The following SLC4A8 variants were observed in gnomAD, a reference collection of about 807,000 sequenced individuals.
SLC4A8 encodes solute carrier family 4 member 8.
In SLC4A8, 40 loss-of-function variants were observed where a neutral mutation model predicts 125.0. The observed-to-expected ratio is 0.32, with a 90% CI of 0.25 to 0.42. The LOEUF (loss-of-function observed/expected upper bound fraction) is 0.42. Among genes scored for constraint, SLC4A8 ranks in the 10% least tolerant of loss-of-function variants. SLC4A8 has a pLI of 1.00. For synonymous variants in SLC4A8, 456 were observed against 476.0 expected, an observed-to-expected ratio of 0.96 and a Z score of 0.55; for missense variants, 863 against 1,355.1, an observed-to-expected ratio of 0.64 and a Z score of 5.70.
At chr12:51,474,538 A>C (rs1433246744) in intron 15 of SLC4A8, 91 bp downstream of exon 15, 1 of 1,507,682 alleles carries the variant, frequency 6.6e-7, no homozygotes, top group Non-Finnish European at 9.0e-7. Flanking sequence ...CCTTTGGCCA[A>C]ACTCTGGCAT....
At chr12:51,442,460 C>T (rs1246820769) in intron 2 of SLC4A8, among the ~76,000 whole-genome samples, 3 of 152,168 alleles carry the variant, frequency 2.0e-5, no homozygotes, top group Non-Finnish European at 2.9e-5. Flanking sequence ...CCTGAGCAAG[C>T]TCTCTTGAAT....
upstream of SLC4A8, among the ~76,000 whole-genome samples, chr12:51,424,178 C>T (rs1304945609): frequency 6.6e-6 from 1 of 151,186 alleles, no homozygotes; most frequent in African/African-American, 2.4e-5. Flanking sequence ...AAATTTAATG[C>T]ATTATTCATG....
chr12:51,418,212 T>A (rs1486288131), intron 1 of SLC4A8, among the ~76,000 whole-genome samples: 18 of 152,098 alleles, frequency 1.2e-4, no homozygotes. Context: ...AGGAGGCAAA[T>A]TGAACCTGGA....
chr12:51,477,582 TC>T (rs1414343379), intron 16 of SLC4A8, among the ~76,000 whole-genome samples: 1 of 152,188 alleles, frequency 6.6e-6, no homozygotes, highest in Non-Finnish European at 1.5e-5. Context: ...AGCAGTCGTT[TC>T]CCCAAAAAGT....
intron 1 of SLC4A8, among the ~76,000 whole-genome samples, chr12:51,408,211 C>T (rs1306150031): frequency 6.6e-6 from 1 of 152,062 alleles, no homozygotes; most frequent in Non-Finnish European, 1.5e-5. Flanking sequence ...CTGGGGGACA[C>T]AATTCAATCT....
chr12:51,435,001 T>TACTGGTCTTATATTGATGAATATAAGACC (rs1949354238), intron 1 of SLC4A8, among the ~76,000 whole-genome samples: 1 of 152,238 alleles, frequency 6.6e-6, no homozygotes, highest in East Asian at 1.9e-4. Flanking sequence ...CCAGTACCTA[T>TACTGGTCTTATATTGATGAATATAAGACC]CCTCCTAGAA....
intron 2 of SLC4A8, among the ~76,000 whole-genome samples, chr12:51,447,719 T>G (rs1393525800): frequency 6.7e-6 from 1 of 148,904 alleles, no homozygotes; most frequent in Non-Finnish European, 1.5e-5. Flanking sequence ...TTCCACTTTT[T>G]TTTTTTTTTT....
At position 51,410,871 on chromosome 12, in the gene SLC4A8, CT is replaced by C. The variant is rs1334247089; in HGVS notation, c.-112+19387del. On this transcript the variant is annotated intron_variant, in intron 1 of 24. Coordinates refer to the SLC4A8 transcript ENST00000358657. ...AACAATCTTTCTTTTCTTTTCTTTTCTTTTCTTTTTTTTTTTTTTTTGAGAC... is the reference window on the plus strand; with the variant it reads ...AACAATCTTTCTTTTCTTTTCTTTTCTTTCTTTTTTTTTTTTTTTTGAGAC... 3.0e-5 allele frequency among the ~76,000 whole-genome samples: 4 copies of C among 131,422 alleles called. No individual in the cohort carries two copies. The East Asian group carries it at 1.0e-3, about 33-fold the overall frequency. 86.2% of individuals were successfully genotyped at this position (131,422 alleles called of 152,430 possible). A position where few individuals can be genotyped will look rare whatever the true frequency, so the allele number is the denominator to read the frequency against.
rs1938444204 is a variant in SLC4A8 at position 51,513,758 on chromosome 12, T to C, written c.*6320T>C. On this transcript the variant is annotated 3_prime_UTR_variant, in exon 25 of 25. Transcript: ENST00000453097. ...TTGAGCTACTGCGCCCGGCCAGTGA[T>C]TGGCTTTTAAATTAATCACAAATGT... is the stretch of plus-strand genomic sequence containing the variant. 6.6e-6 allele frequency: 1 copy of C among 152,258 alleles called. No individual in the cohort carries two copies. The highest frequency in any genetic ancestry group is 2.4e-5 in the African/African-American group (1 of 41,450). 9.4% of individuals were successfully genotyped at this position (152,258 alleles called of 1,614,324 possible).
intron 10 of SLC4A8, chr12:51,462,907 A>AG (rs1335426275): frequency 2.0e-5 from 3 of 152,788 alleles, no homozygotes; most frequent in African/African-American, 7.3e-5. Context: ...AAAAAAAAAA[A>AG]AAGAATTTGC....
Position 51,507,448 on chromosome 12 carries a change from C to T in SLC4A8, c.*10C>T. ...CAGTCTCTTCAACTAAGAGTCTTTG[C>T]TGGGATGGAAGATTTGGGCCGTGTG... On this transcript the variant is annotated 3_prime_UTR_variant, in exon 25 of 25. Transcript: ENST00000453097. The T allele has an allele frequency of 7.2e-7, 1 of 1,391,530 alleles. No individual in the cohort carries two copies. The highest frequency in any genetic ancestry group is 9.4e-7 in the Non-Finnish European group (1 of 1,065,590). 86.2% of individuals were successfully genotyped at this position (1,391,530 alleles called of 1,614,324 possible). A position where few individuals can be genotyped will look rare whatever the true frequency, so the allele number is the denominator to read the frequency against.
At chr12:51,438,649 G>A (rs1181900114) in intron 1 of SLC4A8, among the ~76,000 whole-genome samples, 1 of 152,156 alleles carries the variant, frequency 6.6e-6, no homozygotes, top group Non-Finnish European at 1.5e-5. Context: ...ATGCCCAGTA[G>A]TGAGATTACT....
chr12:51,399,997 A>C (rs7965213), intron 1 of SLC4A8, among the ~76,000 whole-genome samples: 132,185 of 147,798 alleles, frequency 0.89, 59,268 homozygotes, highest in Non-Finnish European at 0.93. Flanking sequence ...AAAAAAAAAA[A>C]AAACCATGTT....
intron 19 of SLC4A8, among the ~76,000 whole-genome samples, chr12:51,491,940 T>C (rs1227217496): frequency 6.6e-6 from 1 of 152,092 alleles, no homozygotes; most frequent in Non-Finnish European, 1.5e-5. Flanking sequence ...AGTGGAACTA[T>C]AGAGTAGAAA....
Position 51,514,975 on chromosome 12 carries a change from G to A in SLC4A8, c.*7537G>A, listed in dbSNP as rs1459470014. On this transcript the variant is annotated 3_prime_UTR_variant, in exon 25 of 25. Transcript: ENST00000453097. ...GGGAATGGTTTCTGATCCTTCTGAAGAGAAAAGGAATAGCATTTTTCTTAA... is the reference window on the plus strand; with the variant it reads ...GGGAATGGTTTCTGATCCTTCTGAAAAGAAAAGGAATAGCATTTTTCTTAA... 2 of 152,238 alleles carry A rather than the reference G, an allele frequency of 1.3e-5. No homozygotes were observed. The highest frequency in any genetic ancestry group is 2.4e-5 in the African/African-American group (1 of 41,454). 9.4% of individuals were successfully genotyped at this position (152,238 alleles called of 1,614,324 possible). A position where few individuals can be genotyped will look rare whatever the true frequency, so the allele number is the denominator to read the frequency against.
At chr12:51,493,439 T>C (rs1951373638) in intron 19 of SLC4A8, among the ~76,000 whole-genome samples, 1 of 151,984 alleles carries the variant, frequency 6.6e-6, no homozygotes, top group East Asian at 1.9e-4. Context: ...CCCATCCCCA[T>C]GGAGGAGGAA....
intron 1 of SLC4A8, among the ~76,000 whole-genome samples, chr12:51,411,286 C>A (rs1202945650): frequency 6.6e-6 from 1 of 151,882 alleles, no homozygotes; most frequent in Admixed American, 6.6e-5. Flanking sequence ...CTACATTTAT[C>A]TTTAAAAAGT....
intron 22 of SLC4A8, 196 bp downstream of exon 22, chr12:51,497,320 A>C: frequency 1.7e-6 from 1 of 580,022 alleles, no homozygotes; most frequent in South Asian, 2.6e-5. Flanking sequence ...TGGGTTTGAC[A>C]ACCACTTATT....
intron 11 of SLC4A8, 96 bp downstream of exon 11, chr12:51,463,810 G>T (rs953396691): frequency 2.0e-5 from 16 of 797,714 alleles, no homozygotes; most frequent in Non-Finnish European, 3.1e-5. Context: ...CTTCTCTGTG[G>T]TGGGAATTTA....
Sources: allele counts gnomAD v4.1 joint callset (sites outside exome capture counted in the v4.1 genomes callset), GRCh38; gene constraint gnomAD v4.1.1; transcripts MANE v1.5; gene names NCBI Gene and HGNC (gene_info 2026-07-23, HGNC 2026-07-21).